TRMT112: variants seen among roughly 807,000 people sequenced by gnomAD.
TRMT112 encodes tRNA methyltransferase activator subunit 11-2, also known as multifunctional methyltransferase subunit TRM112-like protein.
TRMT112 carries 9 observed loss-of-function variants against 13.8 expected under a neutral mutation model. That is an observed-to-expected ratio of 0.65 (90% CI 0.39 to 1.14). The LOEUF (loss-of-function observed/expected upper bound fraction) is 1.14. Ranked by LOEUF, TRMT112 falls within the 50% of genes most tolerant of loss-of-function variation. TRMT112 has a pLI of 0.01. For missense variants in TRMT112, 196 were observed against 165.5 expected (o/e 1.18, Z -1.01); for synonymous variants, 64 against 67.0 (o/e 0.96, Z 0.22).
At position 64,317,478 on chromosome 11, in the gene TRMT112, C is replaced by G; in HGVS notation, c.49G>C (p.Gly17Arg). Residue 17 changes from glycine to arginine, a missense_variant, in exon 1 of 4, where the codon GGG becomes CGG. Physicochemically the swap from Gly to Arg is moderately radical, Grantham distance 125 (BLOSUM62 -2). Transcript: ENST00000544844. ...NLLSSHVRGV[G>R]SRGFPLRLQA... is the part of the protein sequence containing the mutation. ...AGGCGCAGGGGGAAGCCACGGGACC[C>G]CACCCCCCGCACATGCGAGCTCAGC... The G allele has an allele frequency of 1.2e-6, 2 of 1,607,612 alleles. No homozygotes were observed. The highest frequency in any genetic ancestry group is 1.7e-6 in the Non-Finnish European group (2 of 1,176,490).
chr11:64,317,169 T>C (rs2035309378), intron 2 of TRMT112, 22 bp from the exon 3 acceptor site: 2 of 1,613,082 alleles, frequency 1.2e-6, no homozygotes, highest in Non-Finnish European at 8.5e-7. Context: ...AGGCCAAAAT[T>C]ATCTCCGGGC....
upstream of TRMT112, chr11:64,318,037 C>T: frequency 7.0e-7 from 1 of 1,431,270 alleles, no homozygotes; most frequent in Non-Finnish European, 9.1e-7. Context: ...GTCCAGCACC[C>T]AGTGCAAACG....
chr11:64,317,825 T>C, upstream of TRMT112: 1 of 848,378 alleles, frequency 1.2e-6, no homozygotes, highest in East Asian at 3.1e-5. Context: ...GCAGGAGCTC[T>C]CGTTGAATGC....
rs771779655 is a variant in TRMT112, at chr11:64,317,369, C to G, written c.79-4G>C. On this transcript the variant is annotated splice_polypyrimidine_tract_variant and splice_region_variant and intron_variant, in intron 1 of 3. Coordinates refer to ENST00000544844, the MANE Select transcript of TRMT112 (RefSeq NM_016404.3). ...GGCAGATACGGACCTCGGTGGCCTG[C>G]AGGGCGGAGGAGTTTAGGCAAGCAC... 10 of 1,614,090 alleles carry G rather than the reference C, an allele frequency of 6.2e-6. No individual in the cohort carries two copies. The African/African-American group carries it at 1.2e-4, about 19-fold the overall frequency.
chr11:64,318,148 C>T (rs2035360691), upstream of TRMT112: 1 of 1,595,136 alleles, frequency 6.3e-7, no homozygotes, highest in South Asian at 1.1e-5. Flanking sequence ...CGCTGTGCCG[C>T]TAGCGGTGCC....
chr11:64,317,138 T>C lies in TRMT112; in HGVS notation c.190A>G (p.Ile64Val), dbSNP rs2035306911. 2 of 1,613,980 alleles carry C rather than the reference T, an allele frequency of 1.2e-6. No individual in the cohort carries two copies. The highest frequency in any genetic ancestry group is 2.7e-5 in the African/African-American group (2 of 74,884). ...TCAACCGGCCCTTTCGGCACCTGGA[T>C]CAGACGCAACTGTGGGCAAGAGGCC... ...FLEAADNLRL[I>V]QVPKGPVEGY... The change falls in exon 3 of 4, where the codon ATC becomes GTC. Residue 64 changes from isoleucine to valine, a missense_variant. By Grantham distance (29) the Ile-to-Val change is conservative. Coordinates refer to ENST00000544844, the MANE Select transcript of TRMT112 (RefSeq NM_016404.3).
At chr11:64,317,183 C>A (rs747357121) in intron 2 of TRMT112, 36 bp from the exon 3 acceptor site, 24 of 1,612,208 alleles carry the variant, frequency 1.5e-5, no homozygotes, top group Admixed American at 1.2e-4. Flanking sequence ...TCCGGGCATC[C>A]CGAACTCCCG....
Position 64,317,078 on chromosome 11 carries a change from T to C in TRMT112, c.250A>G (p.Met84Val), listed in dbSNP as rs758306789. 40 of 1,614,028 alleles carry C rather than the reference T, an allele frequency of 2.5e-5. No homozygotes were observed. The highest frequency in any genetic ancestry group is 3.2e-5 in the Non-Finnish European group (38 of 1,180,018). ...CTCACCTCCAGCAGCAGGTGGTGCA[T>C]GGTCCTCAGAAACTCCTCATTCTCC... ...YEENEEFLRT[M>V]HHLLLEVEVI... Residue 84 changes from methionine (M) to valine (V), a missense_variant, in exon 3 of 4, where the codon ATG becomes GTG. Physicochemically the swap from Met to Val is conservative, Grantham distance 21 (BLOSUM62 1). Transcript: ENST00000544844.
Position 64,316,867 on chromosome 11 carries a change from C to G in TRMT112, c.372G>C (p.Glu124Asp). The G allele has an allele frequency of 6.3e-7, 1 of 1,584,042 alleles. No homozygotes were observed. Among genetic ancestry groups the G allele is most frequent in the South Asian group, 1.1e-5 (1 of 90,442 alleles). ...AAACTGGCGCCTGGCACAATCAACT[C>G]TCAGTTTCCTCTTCACTCAGCAGCA... is the stretch of plus-strand genomic sequence containing the variant. The part of the protein sequence containing the change: ...PNMLLSEEET[E>D]S Residue 124 changes from glutamate (E) to aspartate (D), a missense_variant, in exon 4 of 4, where the codon GAG (glutamate) becomes GAC (aspartate). Glu to Asp is a conservative substitution (Grantham distance 45). Coordinates refer to ENST00000544844, the MANE Select transcript of TRMT112 (RefSeq NM_016404.3).
At chr11:64,318,059 C>T (rs988098997), upstream of TRMT112, 74 of 1,437,624 alleles carry the variant, frequency 5.1e-5, no homozygotes, top group African/African-American at 1.0e-3. Flanking sequence ...GGCGTGGGTC[C>T]CGGAAGCTCT....
upstream of TRMT112, chr11:64,317,655 T>A: frequency 9.4e-7 from 1 of 1,065,156 alleles, no homozygotes; most frequent in Non-Finnish European, 1.3e-6. Context: ...TTGCTGGAAC[T>A]TCTCGTGTTT....
rs1304483156 is a variant in TRMT112, at chr11:64,317,371, G to A, written c.79-6C>T. The A allele has an allele frequency of 1.2e-6, 2 of 1,614,174 alleles. No homozygotes were observed. Among genetic ancestry groups the A allele is most frequent in the East Asian group, 2.2e-5 (1 of 44,882 alleles). On this transcript the variant is annotated splice_polypyrimidine_tract_variant and splice_region_variant and intron_variant, in intron 1 of 3. Coordinates refer to ENST00000544844, the MANE Select transcript of TRMT112 (RefSeq NM_016404.3). The stretch of plus-strand genomic sequence containing the variant: ...CAGATACGGACCTCGGTGGCCTGCA[G>A]GGCGGAGGAGTTTAGGCAAGCACTG...
Position 64,316,934 on chromosome 11 carries a change from T to G in TRMT112, c.305A>C (p.Glu102Ala). The G allele has an allele frequency of 6.2e-7, 1 of 1,612,970 alleles. No individual in the cohort carries two copies. The highest frequency in any genetic ancestry group is 1.1e-5 in the South Asian group (1 of 91,022). ...EVIEGTLQCP[E>A]SGRMFPISRG... ...GCTGATGGGGAACATACGTCCAGAT[T>G]CCGGGCACTGCAGGGTGCCCTCTAT... is the stretch of plus-strand genomic sequence containing the variant. The change falls in exon 4 of 4, where the codon GAA (glutamate) becomes GCA (alanine). Residue 102 changes from glutamate to alanine, a missense_variant. By Grantham distance (107) the Glu-to-Ala change is moderately radical. Transcript: ENST00000544844.
upstream of TRMT112, chr11:64,318,155 T>A: frequency 1.2e-6 from 2 of 1,600,804 alleles, no homozygotes; most frequent in South Asian, 1.1e-5. Context: ...CCGCTAGCGG[T>A]GCCCCGCCTG....
Position 64,317,041 on chromosome 11 carries a change from G to GGCCGGGC in TRMT112, c.270+16_270+17insGCCCGGC, listed in dbSNP as rs755374890. On this transcript the variant is annotated intron_variant, in intron 3 of 3. Coordinates refer to ENST00000544844, the MANE Select transcript of TRMT112 (RefSeq NM_016404.3). ...GAGGCAGGTGGCCCGGGAAGCAAGT[G>GGCCGGGC]ATGGGCCGCTTCTCACCTCCAGCAG... 11 of 1,613,784 alleles carry GGCCGGGC rather than the reference G, an allele frequency of 6.8e-6. No homozygotes were observed. The African/African-American group carries it at 1.5e-4, about 22-fold the overall frequency.
At chr11:64,317,560 G>C, upstream of TRMT112, 4 of 1,505,662 alleles carry the variant, frequency 2.7e-6, no homozygotes, top group Non-Finnish European at 2.7e-6. Flanking sequence ...GCCGGAACCG[G>C]AAAAAGGTCG....
rs543916095 is a variant in TRMT112, at chr11:64,317,046, G to C, written c.270+12C>G. On this transcript the variant is annotated intron_variant, in intron 3 of 3. Transcript: ENST00000544844. ...AGGTGGCCCGGGAAGCAAGTGATGG[G>C]CCGCTTCTCACCTCCAGCAGCAGGT... is the stretch of plus-strand genomic sequence containing the variant. The C allele has an allele frequency of 3.0e-5, 49 of 1,614,112 alleles. No homozygotes were observed. In the South Asian group the frequency reaches 5.3e-4, roughly 17 times the overall value.
At chr11:64,318,333 T>G, upstream of TRMT112, 1 of 1,612,376 alleles carries the variant, frequency 6.2e-7, no homozygotes. Flanking sequence ...AGAGTGGGCG[T>G]CTGGCGGGGT....
At position 64,317,508 on chromosome 11, in the gene TRMT112, T is replaced by G. The variant is rs768943059; in HGVS notation, c.19A>C (p.Asn7His). The change falls in exon 1 of 4, where the codon AAT (asparagine) becomes CAT (histidine). Residue 7 changes from asparagine (N) to histidine (H), a missense_variant. Physicochemically the swap from Asn to His is moderately conservative, Grantham distance 68 (BLOSUM62 1). Coordinates refer to ENST00000544844, the MANE Select transcript of TRMT112 (RefSeq NM_016404.3). MKLLTH[N>H]LLSSHVRGVG... ...CCCCGCACATGCGAGCTCAGCAGAT[T>G]GTGGGTAAGCAGTTTCATGTCGCCG... 6 of 1,593,556 alleles carry G rather than the reference T, an allele frequency of 3.8e-6. No homozygotes were observed. Among genetic ancestry groups the G allele is most frequent in the Non-Finnish European group, 5.1e-6 (6 of 1,167,142 alleles).
Sources: allele counts gnomAD v4.1 joint callset, GRCh38; gene constraint gnomAD v4.1.1; transcripts MANE v1.5; gene names NCBI Gene and HGNC (gene_info 2026-07-23, HGNC 2026-07-21).